TBC1D8: variants seen among roughly 807,000 people sequenced by gnomAD.
The protein encoded by TBC1D8 is BUB2-like protein 1.
Under a neutral mutation model 118.8 loss-of-function variants are expected in TBC1D8, and 65 were observed. The ratio of observed to expected loss-of-function variants is 0.55; its 90% CI spans 0.45 to 0.67. TBC1D8 has a LOEUF of 0.67. TBC1D8 is among the 30% of genes least tolerant of loss of function. The probability of loss-of-function intolerance (pLI) is 0.00; values close to 1 mark genes in which losing one functional copy is unlikely to be tolerated. For synonymous variants in TBC1D8, 566 were observed against 595.8 expected (o/e 0.95, Z 0.73); for missense variants, 1,376 against 1,471.2 (o/e 0.94, Z 1.06).
intron 1 of TBC1D8, among the ~76,000 whole-genome samples, chr2:101,109,477 A>T (rs1235911723): frequency 6.6e-6 from 1 of 152,182 alleles, no homozygotes; most frequent in Non-Finnish European, 1.5e-5. Context: ...ACACATAGAG[A>T]AAGCAACTAT....
At chr2:101,142,960 G>A (rs1029629633) in intron 1 of TBC1D8, among the ~76,000 whole-genome samples, 1 of 151,864 alleles carries the variant, frequency 6.6e-6, no homozygotes, top group African/African-American at 2.4e-5. Context: ...TATGCACACC[G>A]AAAAGTTCCT....
chr2:101,046,349 C>T (rs564257812), intron 5 of TBC1D8, among the ~76,000 whole-genome samples: 47 of 152,332 alleles, frequency 3.1e-4, no homozygotes, highest in African/African-American at 1.1e-3. Flanking sequence ...CCTGACAACA[C>T]AGGGCATCCT....
At chr2:101,111,436 G>A (rs951989311) in intron 1 of TBC1D8, among the ~76,000 whole-genome samples, 11 of 152,174 alleles carry the variant, frequency 7.2e-5, no homozygotes, top group African/African-American at 1.2e-4. Context: ...CGAGCCTGCC[G>A]AATCCACAAC....
intron 1 of TBC1D8, among the ~76,000 whole-genome samples, chr2:101,120,530 C>A (rs1678054612): frequency 6.6e-6 from 1 of 152,234 alleles, no homozygotes; most frequent in Admixed American, 6.5e-5. Context: ...CCTTTGTTAT[C>A]TGATGCATCT....
intron 19 of TBC1D8, 111 bp from the exon 20 acceptor site, chr2:101,008,384 C>T (rs1558962618): frequency 5.8e-6 from 5 of 867,248 alleles, no homozygotes; most frequent in South Asian, 4.1e-5. Context: ...TTTGAAGACA[C>T]AGAATATAAG....
chr2:101,042,402 C>T (rs974979883), intron 5 of TBC1D8, among the ~76,000 whole-genome samples: 1 of 152,214 alleles, frequency 6.6e-6, no homozygotes, highest in Non-Finnish European at 1.5e-5. Context: ...GAAATTAGCA[C>T]TTGCTTAAAG....
chr2:101,143,592 C>G (rs1031083170), intron 1 of TBC1D8, among the ~76,000 whole-genome samples: 1 of 152,198 alleles, frequency 6.6e-6, no homozygotes, highest in Non-Finnish European at 1.5e-5. Flanking sequence ...GAGGGTCTCA[C>G]TCCAATGTCC....
intron 17 of TBC1D8, chr2:101,017,718 C>A: frequency 1.2e-6 from 1 of 843,020 alleles, no homozygotes. Context: ...ATCCATGGTA[C>A]ATCACTTTAT....
intron 1 of TBC1D8, among the ~76,000 whole-genome samples, chr2:101,140,222 T>C (rs1396539776): frequency 6.6e-6 from 1 of 152,174 alleles, no homozygotes; most frequent in Non-Finnish European, 1.5e-5. Context: ...ATCATGAGCT[T>C]GCAACTCTAA....
intron 11 of TBC1D8, among the ~76,000 whole-genome samples, chr2:101,031,388 C>T (rs1680661254): frequency 6.6e-6 from 1 of 152,198 alleles, no homozygotes; most frequent in Admixed American, 6.5e-5. Flanking sequence ...CTAGAGGCCA[C>T]CCTTCAGTCC....
intron 15 of TBC1D8, among the ~76,000 whole-genome samples, chr2:101,023,004 G>A (rs937583845): frequency 1.3e-5 from 2 of 151,798 alleles, no homozygotes; most frequent in Non-Finnish European, 2.9e-5. Flanking sequence ...CATTAGCTGG[G>A]TGTAGCGGTG....
Position 101,090,067 on chromosome 2 carries a change from G to A in TBC1D8, c.283+142C>T, listed in dbSNP as rs1276490363. 8.1e-6 allele frequency: 6 copies of A among 742,460 alleles called. No homozygotes were observed. The East Asian group carries it at 1.7e-4, about 21-fold the overall frequency. 46.0% of individuals were successfully genotyped at this position (742,460 alleles called of 1,614,324 possible). The stretch of plus-strand genomic sequence containing the variant: ...AAGGAGAGGGAAGGGGAAGGAAGGG[G>A]AGTGGAGGGGAGGGGAGTTAAGTTC... On this transcript the variant is annotated intron_variant, in intron 2 of 19. Transcript: ENST00000409318.
chr2:101,120,056 C>T (rs1465973612), intron 1 of TBC1D8, among the ~76,000 whole-genome samples: 2 of 152,162 alleles, frequency 1.3e-5, no homozygotes, highest in African/African-American at 4.8e-5. Context: ...CCATGTCCAT[C>T]CCCACAGTGC....
chr2:101,008,425 C>CTATT (rs1678913837), intron 19 of TBC1D8, among the ~76,000 whole-genome samples, 152 bp from the exon 20 acceptor site: 1 of 152,130 alleles, frequency 6.6e-6, no homozygotes, highest in Admixed American at 6.5e-5. Context: ...CCACTCTAAA[C>CTATT]TATTAACAGT....
intron 2 of TBC1D8, among the ~76,000 whole-genome samples, chr2:101,067,539 T>TA (rs1683081371): frequency 6.6e-6 from 1 of 152,236 alleles, no homozygotes; most frequent in Admixed American, 6.5e-5. Context: ...AGTATGCTGT[T>TA]AGTCTATTAA....
rs1158005557 is a variant in TBC1D8 at position 101,116,644 on chromosome 2, A to ATT, written c.128-26282_128-26281dup. Among the ~76,000 whole-genome samples the ATT allele has an allele frequency of 8.1e-3, 1,183 of 145,370 alleles. 16 individuals carry two copies. Among genetic ancestry groups the ATT allele is most frequent in the African/African-American group, 0.027 (1,085 of 39,818 alleles). On this transcript the variant is annotated intron_variant, in intron 1 of 19. Transcript: ENST00000409318. Reference sequence around the variant, plus strand: ...AGTTAATATTAATTAAAAGTAGTGAATTTTTTTTTTTTTTGAGACAGAGTC... The same window carrying ATT: ...AGTTAATATTAATTAAAAGTAGTGAATTTTTTTTTTTTTTTTGAGACAGAGTC...
intron 1 of TBC1D8, among the ~76,000 whole-genome samples, chr2:101,130,260 C>G (rs13386872): frequency 0.19 from 28,847 of 152,206 alleles, 3,246 homozygotes; most frequent in African/African-American, 0.3. Context: ...CCGAGGAGGC[C>G]TGGAAGCGTC....
intron 9 of TBC1D8, among the ~76,000 whole-genome samples, chr2:101,034,467 G>A (rs1364823637): frequency 2.0e-5 from 3 of 152,232 alleles, no homozygotes; most frequent in African/African-American, 2.4e-5. Flanking sequence ...CTGAAGTCAG[G>A]TCTGAGATGC....
rs765276160 is a variant in TBC1D8, at chr2:101,050,575, T to A, written c.698A>T (p.Asp233Val). Residue 233 changes from aspartate to valine, a missense_variant, in exon 5 of 20, where the codon GAT (aspartate) becomes GTT (valine). Physicochemically the swap from Asp to Val is radical, Grantham distance 152. Coordinates refer to ENST00000409318, the MANE Select transcript of TBC1D8 (RefSeq NM_001330348.2). The stretch of plus-strand genomic sequence containing the variant: ...ATTCTGCGTGGTGATTCGGATGGTA[T>A]CCGTCAGAAAGACATTGGACGTTCT... ...LERTSNVFLT[D>V]TIRITTQNKE... 6.2e-7 allele frequency: 1 copy of A among 1,613,966 alleles called. No individual in the cohort carries two copies. The highest frequency in any genetic ancestry group is 1.1e-5 in the South Asian group (1 of 91,082).
Sources: allele counts gnomAD v4.1 joint callset (sites outside exome capture counted in the v4.1 genomes callset), GRCh38; gene constraint gnomAD v4.1.1; transcripts MANE v1.5; gene names NCBI Gene and HGNC (gene_info 2026-07-23, HGNC 2026-07-21).